CTNNA2: variants seen among roughly 807,000 people sequenced by gnomAD.
CTNNA2 encodes the protein catenin alpha-2.
CTNNA2 carries 42 observed loss-of-function variants against 101.0 expected under a neutral mutation model. The ratio of observed to expected loss-of-function variants is 0.42; its 90% CI spans 0.32 to 0.54. The LOEUF (loss-of-function observed/expected upper bound fraction) is 0.54. CTNNA2 is among the 20% of genes least tolerant of loss of function. CTNNA2 has a pLI of 0.14. For synonymous variants in CTNNA2, 450 were observed against 456.4 expected, an observed-to-expected ratio of 0.99 and a Z score of 0.18; for missense variants, 871 against 1,223.1, an observed-to-expected ratio of 0.71 and a Z score of 4.29.
chr2:79,797,139 A>T (rs1314223739), intron 3 of CTNNA2, among the ~76,000 whole-genome samples: 3 of 152,192 alleles, frequency 2.0e-5, no homozygotes, highest in Admixed American at 6.5e-5. Flanking sequence ...AGTGGTAGGA[A>T]ATAGGCTTTT....
intron 7 of CTNNA2, among the ~76,000 whole-genome samples, chr2:80,248,242 T>C (rs1671486800): frequency 6.6e-6 from 1 of 152,142 alleles, no homozygotes; most frequent in South Asian, 2.1e-4. Flanking sequence ...TAGCAAGCTT[T>C]TGTCAAGATA....
chr2:79,518,945 A>T (rs1450846175), intron 1 of CTNNA2, among the ~76,000 whole-genome samples: 1 of 151,878 alleles, frequency 6.6e-6, no homozygotes, highest in African/African-American at 2.4e-5. Context: ...TTTCCTGGGG[A>T]AGCCCAGGCG....
chr2:80,043,893 A>C (rs1181435896), intron 7 of CTNNA2, among the ~76,000 whole-genome samples: 2 of 152,214 alleles, frequency 1.3e-5, no homozygotes, highest in East Asian at 1.9e-4. Flanking sequence ...TATACTAATT[A>C]GAATGGTGTA....
At chr2:80,047,937 C>T (rs1378627159) in intron 7 of CTNNA2, among the ~76,000 whole-genome samples, 1 of 152,150 alleles carries the variant, frequency 6.6e-6, no homozygotes, top group Non-Finnish European at 1.5e-5. Flanking sequence ...TTCATCTTAT[C>T]CTACAAATAA....
intron 7 of CTNNA2, among the ~76,000 whole-genome samples, chr2:79,970,391 G>A (rs1002483021): frequency 3.9e-5 from 6 of 152,252 alleles, no homozygotes; most frequent in Admixed American, 3.3e-4. Context: ...CAAAGAGCCT[G>A]TCTTAATTCT....
At chr2:79,535,300 G>T (rs2103957151) in intron 1 of CTNNA2, among the ~76,000 whole-genome samples, 1 of 152,138 alleles carries the variant, frequency 6.6e-6, no homozygotes, top group Admixed American at 6.5e-5. Context: ...TGCCTCCTGG[G>T]TTCAAGTGAT....
At chr2:80,338,043 C>T (rs1381719864) in intron 7 of CTNNA2, among the ~76,000 whole-genome samples, 1 of 151,896 alleles carries the variant, frequency 6.6e-6, no homozygotes, top group Non-Finnish European at 1.5e-5. Flanking sequence ...GGCTGGACTG[C>T]AGTAGCACAG....
chr2:79,258,960 C>T (rs1161757997), intron 2 of CTNNA2, among the ~76,000 whole-genome samples: 1 of 149,710 alleles, frequency 6.7e-6, no homozygotes, highest in Non-Finnish European at 1.5e-5. Flanking sequence ...ATATTTTAAT[C>T]TTTTGTTGTC....
chr2:80,363,881 C>A (rs1373452072), intron 7 of CTNNA2, among the ~76,000 whole-genome samples: 2 of 152,080 alleles, frequency 1.3e-5, no homozygotes, highest in African/African-American at 4.8e-5. Flanking sequence ...CTCCCAATAC[C>A]ATTAATTAAG....
At chr2:80,148,020 CT>C (rs1458666511) in intron 7 of CTNNA2, among the ~76,000 whole-genome samples, 1 of 152,142 alleles carries the variant, frequency 6.6e-6, no homozygotes, top group East Asian at 1.9e-4. Flanking sequence ...TACTGCTTAA[CT>C]TTTTAATGTC....
At chr2:80,313,281 G>T (rs1677776024) in intron 7 of CTNNA2, 2 of 803,350 alleles carry the variant, frequency 2.5e-6, no homozygotes, top group Non-Finnish European at 1.6e-6. Flanking sequence ...TCTCTGACAA[G>T]AATCTTGAAA....
chr2:80,175,383 C>T (rs910549441), intron 7 of CTNNA2, among the ~76,000 whole-genome samples: 5 of 152,108 alleles, frequency 3.3e-5, no homozygotes, highest in African/African-American at 4.8e-5. Context: ...TGGCAGGATA[C>T]GCATTAATAA....
At chr2:79,573,099 C>A (rs561005933) in intron 1 of CTNNA2, among the ~76,000 whole-genome samples, 1 of 152,062 alleles carries the variant, frequency 6.6e-6, no homozygotes, top group Non-Finnish European at 1.5e-5. Flanking sequence ...TCTTCATTAG[C>A]GTCAGACTGG....
intron 7 of CTNNA2, among the ~76,000 whole-genome samples, chr2:79,925,586 A>G (rs935200113): frequency 9.9e-5 from 15 of 152,144 alleles, no homozygotes; most frequent in African/African-American, 3.6e-4. Context: ...TTAAAGGATA[A>G]GAAAAAGCAA....
At chr2:80,641,783 AG>A (rs1286683518) in intron 18 of CTNNA2, among the ~76,000 whole-genome samples, 2 of 152,014 alleles carry the variant, frequency 1.3e-5, no homozygotes, top group African/African-American at 2.4e-5. Context: ...AAAATATCTT[AG>A]ATTATTAAAA....
At chr2:80,234,828 T>A (rs558089207) in intron 7 of CTNNA2, among the ~76,000 whole-genome samples, 1 of 151,754 alleles carries the variant, frequency 6.6e-6, no homozygotes, top group East Asian at 1.9e-4. Flanking sequence ...TTTTTTTTGG[T>A]ATGTGCTAGC....
chr2:80,229,695 A>G (rs1012181129), intron 7 of CTNNA2, among the ~76,000 whole-genome samples: 1 of 152,196 alleles, frequency 6.6e-6, no homozygotes, highest in African/African-American at 2.4e-5. Context: ...CAGGGGATTG[A>G]AAGTTCCAAC....
In CTNNA2 at chr2:79,422,855, G is replaced by A. The variant is rs1461527323; in HGVS notation, c.-135+48842G>A. Reference sequence around the variant, plus strand: ...AAATCCGCAGAATTTAACAATGTAGGAAGAAGACACAAGACCAGCCAGATC... The same window carrying A: ...AAATCCGCAGAATTTAACAATGTAGAAAGAAGACACAAGACCAGCCAGATC... On this transcript the variant is annotated intron_variant, in intron 4 of 21. Transcript: ENST00000466387. 2.6e-5 allele frequency among the ~76,000 whole-genome samples: 4 copies of A among 152,206 alleles called. No individual in the cohort carries two copies. The East Asian group carries it at 5.8e-4, about 22-fold the overall frequency.
At chr2:80,383,390 G>A (rs1676693400) in intron 7 of CTNNA2, among the ~76,000 whole-genome samples, 3 of 152,150 alleles carry the variant, frequency 2.0e-5, no homozygotes, top group Non-Finnish European at 2.9e-5. Context: ...TCCTGACCAT[G>A]TCTTAAGAGT....
Sources: allele counts gnomAD v4.1 joint callset (sites outside exome capture counted in the v4.1 genomes callset), GRCh38; gene constraint gnomAD v4.1.1; transcripts MANE v1.5; gene names NCBI Gene and HGNC (gene_info 2026-07-23, HGNC 2026-07-21).